Variants in VWA8 observed in about 807,000 individuals in gnomAD.
VWA8 encodes the protein von Willebrand factor A domain-containing protein 8.
Under a neutral mutation model 241.5 loss-of-function variants are expected in VWA8, and 221 were observed. The ratio of observed to expected loss-of-function variants is 0.91; its 90% CI spans 0.82 to 1.02. VWA8 has a LOEUF of 1.02. Ranked by LOEUF, VWA8 falls within the 50% of genes least tolerant of loss-of-function variation. The pLI is 0.00. For synonymous variants in VWA8, 852 were observed against 827.1 expected, an observed-to-expected ratio of 1.03 and a Z score of -0.52; for missense variants, 2,322 against 2,328.7, an observed-to-expected ratio of 1.00 and a Z score of 0.06.
At chr13:41,614,212 T>C (rs1042839205) in intron 38 of VWA8, among the ~76,000 whole-genome samples, 1 of 152,194 alleles carries the variant, frequency 6.6e-6, no homozygotes, top group African/African-American at 2.4e-5. Flanking sequence ...GAGAAACCCA[T>C]TTCCTCCCGA....
intron 12 of VWA8, among the ~76,000 whole-genome samples, chr13:41,834,991 A>G (rs1197244700): frequency 1.3e-5 from 2 of 152,158 alleles, no homozygotes; most frequent in African/African-American, 2.4e-5. Context: ...ACAGAAAACC[A>G]AATACCACGT....
intron 37 of VWA8, among the ~76,000 whole-genome samples, chr13:41,661,576 A>G (rs938697259): frequency 3.9e-5 from 6 of 152,218 alleles, no homozygotes; most frequent in African/African-American, 7.2e-5. Context: ...AAATGATACC[A>G]TAGATTGAGA....
intron 26 of VWA8, among the ~76,000 whole-genome samples, chr13:41,705,240 A>G (rs17637655): frequency 0.031 from 4,498 of 144,260 alleles, 73 homozygotes; most frequent in Middle Eastern, 0.062. Context: ...AATTATCTCA[A>G]TCGGGGACCC....
At chr13:41,741,331 G>A (rs1314564994) in intron 21 of VWA8, among the ~76,000 whole-genome samples, 5 of 152,064 alleles carry the variant, frequency 3.3e-5, no homozygotes, top group Admixed American at 2.6e-4. Flanking sequence ...CTTACACACC[G>A]GGTTTATTTG....
chr13:41,892,267 C>G (rs994396646), intron 4 of VWA8, among the ~76,000 whole-genome samples: 1 of 152,042 alleles, frequency 6.6e-6, no homozygotes, highest in African/African-American at 2.4e-5. Flanking sequence ...AAATATTTTC[C>G]TTTAACTATA....
chr13:41,760,615 A>G (rs1015552409), intron 21 of VWA8, among the ~76,000 whole-genome samples: 12 of 151,942 alleles, frequency 7.9e-5, no homozygotes, highest in African/African-American at 2.9e-4. Flanking sequence ...AAAATGACCC[A>G]TATTGAGAAA....
In VWA8 at chr13:41,810,083, A is replaced by G. The variant is rs1870395756; in HGVS notation, c.2063+1142T>C. ...ACCCCAATTAAAATGGCTTTTATCC[A>G]AAAGATAGGCAATAACAAATACCAG... On this transcript the variant is annotated intron_variant, in intron 17 of 44. Coordinates refer to ENST00000379310, the MANE Select transcript of VWA8 (RefSeq NM_015058.2). 1.3e-5 allele frequency among the ~76,000 whole-genome samples: 2 copies of G among 152,204 alleles called. 1 individual carries two copies. The highest frequency in any genetic ancestry group is 4.1e-4 in the South Asian group (2 of 4,836).
intron 9 of VWA8, among the ~76,000 whole-genome samples, chr13:41,869,053 T>G (rs570222626): frequency 1.3e-3 from 191 of 152,208 alleles, no homozygotes; most frequent in African/African-American, 4.5e-3. Flanking sequence ...ATCACTGAAT[T>G]CCTGACCTGG....
At chr13:41,662,804 T>A (rs533204930) in intron 37 of VWA8, among the ~76,000 whole-genome samples, 42 of 152,188 alleles carry the variant, frequency 2.8e-4, no homozygotes, top group Non-Finnish European at 5.4e-4. Flanking sequence ...CATTGCCTTA[T>A]TCCCAGCATT....
rs186614321 is a variant in VWA8 at position 41,799,028 on chromosome 13, T to C, written c.2064-11485A>G. 4.3e-3 allele frequency among the ~76,000 whole-genome samples: 649 copies of C among 152,350 alleles called. 2 individuals are homozygous for C. The highest frequency in any genetic ancestry group is 6.8e-3 in the Middle Eastern group (2 of 294). On this transcript the variant is annotated intron_variant, in intron 17 of 44. Coordinates refer to ENST00000379310, the MANE Select transcript of VWA8 (RefSeq NM_015058.2). ...TTTTTCTTTCAGATCTATCAGTTCA[T>C]TTTCTCCTCTATCACAGTCATCCAG...
intron 17 of VWA8, among the ~76,000 whole-genome samples, chr13:41,795,014 A>C (rs1326469953): frequency 6.6e-6 from 1 of 152,240 alleles, no homozygotes; most frequent in Non-Finnish European, 1.5e-5. Context: ...GTGAACAGAT[A>C]ACATCCAGAA....
chr13:41,568,358 C>T, intron 44 of VWA8, 53 bp from the exon 45 acceptor site: 1 of 1,483,342 alleles, frequency 6.7e-7, no homozygotes, highest in African/African-American at 1.4e-5. Flanking sequence ...GGCTCCCTTC[C>T]ACCTCCTGCC....
chr13:41,941,445 A>G (rs1165646370), intron 2 of VWA8, among the ~76,000 whole-genome samples: 1 of 152,206 alleles, frequency 6.6e-6, no homozygotes, highest in Non-Finnish European at 1.5e-5. Flanking sequence ...TTCTTGCTAC[A>G]CTGCAAACAC....
At chr13:41,649,854 CA>C (rs2044857959) in intron 37 of VWA8, among the ~76,000 whole-genome samples, 1 of 152,154 alleles carries the variant, frequency 6.6e-6, no homozygotes, top group South Asian at 2.1e-4. Context: ...ATTCCACCAC[CA>C]GGGGTAGCTT....
intron 17 of VWA8, 53 bp from the exon 18 acceptor site, chr13:41,787,596 C>T (rs768137995): frequency 1.4e-4 from 105 of 753,078 alleles, no homozygotes; most frequent in Non-Finnish European, 1.9e-4. Flanking sequence ...AAGCTTTCTG[C>T]GATTCTTAAA....
At position 41,691,888 on chromosome 13, in the gene VWA8, G is replaced by C; in HGVS notation, c.3726C>G (p.Phe1242Leu). 1 of 1,610,078 alleles carries C rather than the reference G, an allele frequency of 6.2e-7. No individual in the cohort carries two copies. Among genetic ancestry groups the C allele is most frequent in the Non-Finnish European group, 8.5e-7 (1 of 1,177,114 alleles). Reference sequence around the variant, plus strand: ...AAAGAGCTCACCCTTTTTCTTTGTAGAACACCAGCCAGTTTTTGTGTGAAA... The same window carrying C: ...AAAGAGCTCACCCTTTTTCTTTGTACAACACCAGCCAGTTTTTGTGTGAAA... ...KEFSHKNWLVFYKEKGNSLTV... is the reference protein window; with the variant it reads ...KEFSHKNWLVLYKEKGNSLTV... The change falls in exon 31 of 45, where the codon TTC (phenylalanine) becomes TTG (leucine). Residue 1242 changes from phenylalanine (F) to leucine (L), a missense_variant. Coordinates refer to ENST00000379310, the MANE Select transcript of VWA8 (RefSeq NM_015058.2).
In VWA8 at chr13:41,811,228, G is replaced by A. The variant is rs1870451974; in HGVS notation, c.2060C>T (p.Ser687Phe). The A allele has an allele frequency of 6.2e-7, 1 of 1,601,788 alleles. No individual in the cohort carries two copies. Among genetic ancestry groups the A allele is most frequent in the East Asian group, 2.2e-5 (1 of 44,678 alleles). The change falls in exon 17 of 45, where the codon TCC (serine) becomes TTC (phenylalanine). Residue 687 changes from serine to phenylalanine, a missense_variant. Coordinates refer to ENST00000379310, the MANE Select transcript of VWA8 (RefSeq NM_015058.2). ...CAGTGAGAAAGAATATGTTTACCTG[G>A]AAAGGCAGGCTTTAGTAACAGCACT... ...LHSAVTKACLSRFLPSLARSA... is the reference protein window; with the variant it reads ...LHSAVTKACLFRFLPSLARSA...
chr13:41,748,740 C>T (rs1309148910), intron 21 of VWA8, among the ~76,000 whole-genome samples: 1 of 152,112 alleles, frequency 6.6e-6, no homozygotes, highest in Non-Finnish European at 1.5e-5. Context: ...ACAAACCTGA[C>T]AGAAACAAGA....
intron 43 of VWA8, among the ~76,000 whole-genome samples, chr13:41,573,987 A>G (rs2044333404): frequency 6.6e-6 from 1 of 152,210 alleles, no homozygotes; most frequent in Admixed American, 6.5e-5. Context: ...TTTGTAACAC[A>G]AAAGATAAAT....
Sources: allele counts gnomAD v4.1 joint callset (sites outside exome capture counted in the v4.1 genomes callset), GRCh38; gene constraint gnomAD v4.1.1; transcripts MANE v1.5; gene names NCBI Gene and HGNC (gene_info 2026-07-23, HGNC 2026-07-21).